ACY1: variants seen among roughly 807,000 people sequenced by gnomAD.
ACY1 encodes the protein aminoacylase-1.
ACY1 carries 38 observed loss-of-function variants against 53.3 expected under a neutral mutation model. The observed-to-expected ratio is 0.71, with a 90% CI of 0.55 to 0.93. The LOEUF (loss-of-function observed/expected upper bound fraction) is 0.93, where lower values mean the gene tolerates loss of function less well. Ranked by LOEUF, ACY1 falls within the 40% of genes least tolerant of loss-of-function variation. The pLI, the probability that ACY1 is intolerant of heterozygous loss-of-function variation, is 0.00. For synonymous variants in ACY1, 177 were observed against 202.1 expected, an observed-to-expected ratio of 0.88 and a Z score of 1.05; for missense variants, 484 against 540.9, an observed-to-expected ratio of 0.89 and a Z score of 1.04.
At chr3:51,985,152 C>T in intron 2 of ACY1, 55 bp from the exon 3 acceptor site, 2 of 1,565,862 alleles carry the variant, frequency 1.3e-6, no homozygotes, top group Non-Finnish European at 1.7e-6. Context: ...GCTGCCTGGG[C>T]TGGTGGGAAG....
chr3:51,987,661 G>A (rs762285415), intron 12 of ACY1, 37 bp downstream of exon 12: 10 of 1,606,474 alleles, frequency 6.2e-6, no homozygotes, highest in Admixed American at 1.7e-5. Context: ...GAGTGTGGGA[G>A]CCGGGGGAGA....
chr3:51,986,537 G>A (rs1577728166), intron 7 of ACY1, 33 bp downstream of exon 7: 1 of 1,613,996 alleles, frequency 6.2e-7, no homozygotes, highest in African/African-American at 1.3e-5. Flanking sequence ...GAGCAGCCAG[G>A]CAGGGAGTAG....
intron 1 of ACY1, among the ~76,000 whole-genome samples, 197 bp from the exon 2 acceptor site, chr3:51,983,850 G>A (rs1011010980): frequency 6.6e-6 from 1 of 152,046 alleles, no homozygotes; most frequent in African/African-American, 2.4e-5. Context: ...GGCTCTTTTG[G>A]GGATTAAATA....
intron 12 of ACY1, 178 bp downstream of exon 12, chr3:51,987,802 T>C (rs1424668039): frequency 1.0e-4 from 69 of 675,172 alleles, no homozygotes; most frequent in Non-Finnish European, 7.5e-6. Flanking sequence ...TGGGGAATGC[T>C]GTGGGGAGTA....
intron 4 of ACY1, 83 bp downstream of exon 4, chr3:51,985,548 T>C (rs1701027093): frequency 7.9e-6 from 11 of 1,384,094 alleles, no homozygotes; most frequent in Non-Finnish European, 3.1e-6. Flanking sequence ...CTCAAGTTGC[T>C]CATGGTCCTG....
At chr3:51,988,413 G>C in intron 12 of ACY1, 111 bp from the exon 13 acceptor site, 1 of 940,966 alleles carries the variant, frequency 1.1e-6, no homozygotes, top group Admixed American at 1.9e-5. Flanking sequence ...CTGGGTAGGT[G>C]AAGGAGTGGG....
Position 51,984,151 on chromosome 3 carries a change from T to C in ACY1, c.87T>C (p.Pro29=). Residue 29 remains proline, a synonymous_variant, in exon 2 of 15, where the codon CCT becomes CCC. Transcript: ENST00000636358. ...GTATCCGCACTGTCCAGCCCAAGCC[T>C]GACTATGGTGAGAAGACGGTGGTTC... is the stretch of plus-strand genomic sequence containing the variant. ...YLRIRTVQPK[P]DYGAAVAFFE... 1 of 1,613,874 alleles carries C rather than the reference T, an allele frequency of 6.2e-7. No individual in the cohort carries two copies. Among genetic ancestry groups the C allele is most frequent in the Non-Finnish European group, 8.5e-7 (1 of 1,179,982 alleles).
chr3:51,986,473 C>A lies in ACY1; in HGVS notation c.495C>A (p.His165Gln). The change falls in exon 7 of 15, where the codon CAC becomes CAA. Residue 165 changes from histidine to glutamine, a missense_variant. Transcript: ENST00000636358. ...TGTTCGTGCAGCGGCCTGAGTTCCA[C>A]GCCCTGAGGGCAGGCTTTGCCCTGG... Reference protein sequence around the residue: ...MELFVQRPEFHALRAGFALDE... With the variant: ...MELFVQRPEFQALRAGFALDE... 1 of 1,613,924 alleles carries A rather than the reference C, an allele frequency of 6.2e-7. No individual in the cohort carries two copies. The highest frequency in any genetic ancestry group is 8.5e-7 in the Non-Finnish European group (1 of 1,179,892).
rs1157429383 is a variant in ACY1, at chr3:51,987,004, C to T, written c.600C>T (p.Ser200=). ...CCTCCCCAGGGGTGCGGGTTACCAG[C>T]ACTGGGAGGCCAGGCCATGCCTCAC... is the stretch of plus-strand genomic sequence containing the variant. ...ERSPWWVRVT[S]TGRPGHASRF... is the part of the protein sequence containing the mutation. Residue 200 remains serine, a synonymous_variant, in exon 9 of 15, where the codon AGC becomes AGT. Transcript: ENST00000636358. 6.2e-7 allele frequency: 1 copy of T among 1,612,632 alleles called. No individual in the cohort carries two copies. The highest frequency in any genetic ancestry group is 2.2e-5 in the East Asian group (1 of 44,896).
At chr3:51,987,718 T>C (rs1049108134) in intron 12 of ACY1, 94 bp downstream of exon 12, 2 of 1,281,836 alleles carry the variant, frequency 1.6e-6, no homozygotes, top group African/African-American at 3.0e-5. Flanking sequence ...TCTGCATATG[T>C]CTGGGCATTT....
At chr3:51,985,100 G>A (rs553083884) in intron 2 of ACY1, 107 bp from the exon 3 acceptor site, 39 of 1,102,118 alleles carry the variant, frequency 3.5e-5, no homozygotes, top group South Asian at 2.4e-4. Flanking sequence ...GGAGTGTGTC[G>A]GGGAGGCAGC....
chr3:51,988,581 T>G lies in ACY1; in HGVS notation c.979T>G (p.Phe327Val). The G allele has an allele frequency of 1.9e-6, 3 of 1,614,104 alleles. No individual in the cohort carries two copies. Among genetic ancestry groups the G allele is most frequent in the Non-Finnish European group, 2.5e-6 (3 of 1,179,988 alleles). The change falls in exon 13 of 15, where the codon TTT becomes GTT. Residue 327 changes from phenylalanine (F) to valine (V), a missense_variant. Phe to Val is a conservative substitution (Grantham distance 50). Coordinates refer to ENST00000636358, the MANE Select transcript of ACY1 (RefSeq NM_000666.3). ...TDDSNPWWAA[F>V]SRVCKDMNLT... ...TGACTCAAACCCTTGGTGGGCAGCTTTTAGCCGGGTCTGCAAGGATATGTG... is the reference window on the plus strand; with the variant it reads ...TGACTCAAACCCTTGGTGGGCAGCTGTTAGCCGGGTCTGCAAGGATATGTG...
At position 51,987,357 on chromosome 3, in the gene ACY1, C is replaced by A. The variant is rs376333818; in HGVS notation, c.756C>A (p.Asn252Lys). 1.9e-6 allele frequency: 3 copies of A among 1,614,156 alleles called. No homozygotes were observed. The highest frequency in any genetic ancestry group is 3.3e-5 in the Admixed American group (2 of 60,026). The part of the protein sequence containing the change: ...HLKEGSVTSV[N>K]LTKLEGGVAY... ...AAGAGGGGTCCGTGACCTCCGTGAA[C>A]CTGACTAAGCTAGAGGGTGGCGTGG... The change falls in exon 11 of 15, where the codon AAC (asparagine) becomes AAA (lysine). Residue 252 changes from asparagine (N) to lysine (K), a missense_variant. Transcript: ENST00000636358.
At chr3:51,984,814 CAAAAA>C (rs34294622) in intron 2 of ACY1, 411 of 119,462 alleles carry the variant, frequency 3.4e-3, no homozygotes, top group Middle Eastern at 6.1e-3. Flanking sequence ...GACCCTGTCT[CAAAAA>C]AAAAAAAAAA....
rs1701177741 is a variant in ACY1 at position 51,989,021 on chromosome 3, T to G, written c.1173T>G (p.Tyr391Ter). 2 of 1,614,044 alleles carry G rather than the reference T, an allele frequency of 1.2e-6. No individual in the cohort carries two copies. The highest frequency in any genetic ancestry group is 1.7e-6 in the Non-Finnish European group (2 of 1,180,002). Residue 391 changes from tyrosine to a stop codon, truncating the protein, a stop_gained, in exon 15 of 15, where the codon TAT becomes TAG. Coordinates refer to ENST00000636358, the MANE Select transcript of ACY1 (RefSeq NM_000666.3). LOFTEE classifies it high-confidence loss of function. The part of the protein sequence containing the change: ...EAVFLRGVDI[Y>*]TRLLPALASV... ...TGTTCCTCCGTGGGGTGGACATATA[T>G]ACACGCCTGCTGCCTGCCCTTGCCA... is the stretch of plus-strand genomic sequence containing the variant.
chr3:51,983,706 T>C, intron 1 of ACY1, 117 bp downstream of exon 1: 1 of 297,524 alleles, frequency 3.4e-6, no homozygotes, highest in East Asian at 6.7e-5. Context: ...CCTTTTTTTT[T>C]TTTTAGGAGG....
intron 2 of ACY1, chr3:51,984,509 T>G (rs532615505): frequency 5.0e-6 from 2 of 403,398 alleles, no homozygotes; most frequent in African/African-American, 4.1e-5. Context: ...GCCACAGCCC[T>G]TAGGGAGTCA....
intron 8 of ACY1, 99 bp downstream of exon 8, chr3:51,986,760 G>C: frequency 6.7e-7 from 1 of 1,495,506 alleles, no homozygotes; most frequent in East Asian, 2.3e-5. Flanking sequence ...GTTGAGGCCT[G>C]AGAAGGCCTT....
In ACY1 at chr3:51,987,327, C is replaced by T. The variant is rs754136544; in HGVS notation, c.726C>T (p.His242=). 3 of 1,613,958 alleles carry T rather than the reference C, an allele frequency of 1.9e-6. No homozygotes were observed. The highest frequency in any genetic ancestry group is 2.2e-5 in the East Asian group (1 of 44,892). ...ACCACAGGCTGCAGTCAAACCCCCA[C>T]CTGAAAGAGGGGTCCGTGACCTCCG... ...KEWQRLQSNP[H]LKEGSVTSVN... The change falls in exon 11 of 15, where the codon CAC becomes CAT. Residue 242 remains histidine (H), a synonymous_variant. Coordinates refer to ENST00000636358, the MANE Select transcript of ACY1 (RefSeq NM_000666.3).
Sources: allele counts gnomAD v4.1 joint callset (sites outside exome capture counted in the v4.1 genomes callset), GRCh38; gene constraint gnomAD v4.1.1; transcripts MANE v1.5; gene names NCBI Gene and HGNC (gene_info 2026-07-23, HGNC 2026-07-21).